The following TCF12 variants were observed in gnomAD, a reference collection of about 807,000 sequenced individuals.
TCF12 encodes the protein transcription factor 12.
Under a neutral mutation model 86.0 loss-of-function variants are expected in TCF12, and 45 were observed. That is an observed-to-expected ratio of 0.52 (90% CI 0.41 to 0.67). The LOEUF (loss-of-function observed/expected upper bound fraction) is 0.67. Ranked by LOEUF, TCF12 falls within the 30% of genes least tolerant of loss-of-function variation. The pLI, the probability that TCF12 is intolerant of heterozygous loss-of-function variation, is 0.00. For missense variants in TCF12, 881 were observed against 859.9 expected (o/e 1.02, Z -0.31); for synonymous variants, 330 against 299.6 (o/e 1.10, Z -1.05).
intron 5 of TCF12, among the ~76,000 whole-genome samples, chr15:57,124,099 G>A (rs959060022): frequency 6.6e-6 from 1 of 151,838 alleles, no homozygotes; most frequent in Non-Finnish European, 1.5e-5. Context: ...ATAGATGTGA[G>A]CCACTGTGTC....
At chr15:57,209,705 G>T (rs745617908) in intron 8 of TCF12, among the ~76,000 whole-genome samples, 12 of 151,900 alleles carry the variant, frequency 7.9e-5, no homozygotes, top group Non-Finnish European at 1.3e-4. Context: ...TAAAATCTAG[G>T]TCAGATCATA....
At chr15:56,937,818 T>C (rs1236652941) in intron 3 of TCF12, among the ~76,000 whole-genome samples, 1 of 152,170 alleles carries the variant, frequency 6.6e-6, no homozygotes, top group African/African-American at 2.4e-5. Flanking sequence ...GATAGATGAC[T>C]TTTGTTTTTA....
intron 8 of TCF12, among the ~76,000 whole-genome samples, chr15:57,221,383 G>GGTGT (rs144351636): frequency 0.2 from 29,787 of 148,146 alleles, 3,771 homozygotes; most frequent in East Asian, 0.47. Flanking sequence ...ATGTGTGTGG[G>GGTGT]GTGTGTGTGT....
Position 56,972,619 on chromosome 15 carries a change from CA to C in TCF12, c.148+51522del, listed in dbSNP as rs1416765805. Among the ~76,000 whole-genome samples the C allele has an allele frequency of 1.3e-4, 20 of 152,080 alleles. 1 individual carries two copies. The highest frequency in any genetic ancestry group is 4.4e-5 in the Non-Finnish European group (3 of 68,010). On this transcript the variant is annotated intron_variant, in intron 3 of 20. Coordinates refer to ENST00000333725, the MANE Select transcript of TCF12 (RefSeq NM_207037.2). ...CATAGAAAAGATAAGCCAGGAACCACAGACACAGTTAGTAGGTTTAGGGTAG... is the reference window on the plus strand; with the variant it reads ...CATAGAAAAGATAAGCCAGGAACCACGACACAGTTAGTAGGTTTAGGGTAG...
intron 16 of TCF12, among the ~76,000 whole-genome samples, chr15:57,259,416 A>T (rs2060485996): frequency 1.3e-5 from 2 of 152,234 alleles, no homozygotes; most frequent in African/African-American, 2.4e-5. Context: ...AGAGGAATTC[A>T]TGCTGTTTTC....
At chr15:57,158,174 T>C (rs1262957690) in intron 5 of TCF12, among the ~76,000 whole-genome samples, 1 of 148,090 alleles carries the variant, frequency 6.8e-6, no homozygotes, top group East Asian at 2.0e-4. Context: ...TGTTAAAGTC[T>C]CAGAAAGTCG....
chr15:57,170,629 TATATATATATATA>T (rs202052973), intron 6 of TCF12, among the ~76,000 whole-genome samples: 21,144 of 68,298 alleles, frequency 0.31, 4,181 homozygotes, highest in African/African-American at 0.58. Flanking sequence ...CTGCTAATTT[TATATATATATATA>T]ATATATATAT....
chr15:56,985,675 G>A (rs1260042698), intron 3 of TCF12, among the ~76,000 whole-genome samples: 2 of 152,108 alleles, frequency 1.3e-5, no homozygotes, highest in African/African-American at 4.8e-5. Context: ...CTGGTCCTTA[G>A]AGTATATCAT....
intron 12 of TCF12, among the ~76,000 whole-genome samples, chr15:57,239,691 T>C (rs940623970): frequency 1.3e-5 from 2 of 151,892 alleles, no homozygotes; most frequent in South Asian, 4.2e-4. Flanking sequence ...CCAGAAACAT[T>C]AGAGAATTGT....
chr15:56,931,078 C>T (rs1435556830), intron 3 of TCF12, among the ~76,000 whole-genome samples: 1 of 151,996 alleles, frequency 6.6e-6, no homozygotes, highest in African/African-American at 2.4e-5. Context: ...CGTTCCTTCA[C>T]CCCCCACCCC....
At chr15:56,968,860 ATTGGT>A (rs2062142932) in intron 3 of TCF12, among the ~76,000 whole-genome samples, 1 of 152,164 alleles carries the variant, frequency 6.6e-6, no homozygotes, top group African/African-American at 2.4e-5. Context: ...TAAGATGTAC[ATTGGT>A]TTGGTTTGGT....
At chr15:57,211,400 A>G (rs904152039) in intron 8 of TCF12, among the ~76,000 whole-genome samples, 2 of 152,150 alleles carry the variant, frequency 1.3e-5, no homozygotes, top group Non-Finnish European at 2.9e-5. Context: ...CCTTGTGTCA[A>G]TTATACTTTA....
intron 19 of TCF12, among the ~76,000 whole-genome samples, chr15:57,275,683 T>C (rs1423131044): frequency 3.9e-5 from 6 of 152,126 alleles, no homozygotes; most frequent in South Asian, 4.2e-4. Flanking sequence ...TCCAACACTT[T>C]CTATAAAAAC....
intron 4 of TCF12, among the ~76,000 whole-genome samples, chr15:57,083,002 G>A (rs191974260): frequency 6.2e-4 from 95 of 152,174 alleles, no homozygotes; most frequent in Non-Finnish European, 1.1e-3. Context: ...AGTGCTACAC[G>A]TTGTCAGCAT....
chr15:57,258,252 CCT>C (rs1216658629), intron 16 of TCF12, among the ~76,000 whole-genome samples: 2 of 152,052 alleles, frequency 1.3e-5, no homozygotes, highest in Non-Finnish European at 2.9e-5. Context: ...CATACTTCAC[CCT>C]GAGTGACAAA....
At chr15:56,929,887 C>G (rs1210477401) in intron 3 of TCF12, among the ~76,000 whole-genome samples, 1 of 152,054 alleles carries the variant, frequency 6.6e-6, no homozygotes, top group East Asian at 1.9e-4. Flanking sequence ...GGGAGTTTCT[C>G]TAAATTTGTG....
chr15:56,947,086 C>A (rs945030997), intron 3 of TCF12, among the ~76,000 whole-genome samples: 8 of 152,184 alleles, frequency 5.3e-5, no homozygotes, highest in African/African-American at 1.9e-4. Context: ...GCATGCACCA[C>A]TGTGTCCTGC....
chr15:57,155,300 A>G (rs1191602113), intron 5 of TCF12, among the ~76,000 whole-genome samples: 2 of 152,210 alleles, frequency 1.3e-5, no homozygotes, highest in African/African-American at 2.4e-5. Flanking sequence ...TCCAGTTATA[A>G]TGAGTTAATA....
chr15:57,262,458 C>T (rs1291493711), intron 17 of TCF12, among the ~76,000 whole-genome samples: 1 of 152,148 alleles, frequency 6.6e-6, no homozygotes, highest in Non-Finnish European at 1.5e-5. Flanking sequence ...TTTACCTCTT[C>T]CTGTTCTGTC....
Sources: allele counts gnomAD v4.1 joint callset (sites outside exome capture counted in the v4.1 genomes callset), GRCh38; gene constraint gnomAD v4.1.1; transcripts MANE v1.5; gene names NCBI Gene and HGNC (gene_info 2026-07-23, HGNC 2026-07-21).